The following NDST4 variants were observed in gnomAD, a reference collection of about 807,000 sequenced individuals.
The protein encoded by NDST4 is N-heparan sulfate sulfotransferase 4.
A neutral mutation model predicts 100.8 loss-of-function variants in NDST4; 63 were observed. The observed-to-expected ratio is 0.62, with a 90% confidence interval of 0.51 to 0.77. The LOEUF (loss-of-function observed/expected upper bound fraction) is 0.77, where lower values mean the gene tolerates loss of function less well. Ranked by LOEUF, NDST4 falls within the 30% of genes least tolerant of loss-of-function variation. The probability of loss-of-function intolerance (pLI) is 0.00; values close to 1 mark genes in which losing one functional copy is unlikely to be tolerated. For missense variants in NDST4, 943 were observed against 1,018.4 expected, an observed-to-expected ratio of 0.93 and a Z score of 1.01; for synonymous variants, 377 against 361.8, an observed-to-expected ratio of 1.04 and a Z score of -0.48.
intron 1 of NDST4, among the ~76,000 whole-genome samples, chr4:115,096,055 A>T (rs559307): frequency 0.77 from 117,179 of 151,756 alleles, 45,905 homozygotes; most frequent in African/African-American, 0.89. Flanking sequence ...TCCATAATCA[A>T]TTATTATATT....
At chr4:114,836,049 C>T (rs971609933) in intron 11 of NDST4, among the ~76,000 whole-genome samples, 3 of 152,046 alleles carry the variant, frequency 2.0e-5, no homozygotes, top group Non-Finnish European at 4.4e-5. Context: ...TACCAGTGGG[C>T]CTTGAATATG....
intron 1 of NDST4, among the ~76,000 whole-genome samples, chr4:115,079,784 TA>T (rs1236515139): frequency 2.0e-5 from 3 of 152,194 alleles, no homozygotes; most frequent in Non-Finnish European, 4.4e-5. Context: ...CTTTTTAGAT[TA>T]CATAGTTAAA....
At chr4:115,025,180 T>C (rs1286690853) in intron 2 of NDST4, among the ~76,000 whole-genome samples, 2 of 152,158 alleles carry the variant, frequency 1.3e-5, no homozygotes, top group Admixed American at 6.5e-5. Context: ...CCTCACTGTA[T>C]TGGACAAGTG....
At chr4:114,901,663 C>T (rs948668993) in intron 6 of NDST4, among the ~76,000 whole-genome samples, 10 of 151,684 alleles carry the variant, frequency 6.6e-5, no homozygotes, top group Admixed American at 5.3e-4. Flanking sequence ...ATAATATGTG[C>T]CATATTAGTA....
chr4:115,100,377 A>G (rs1729706778), intron 1 of NDST4, among the ~76,000 whole-genome samples: 1 of 151,948 alleles, frequency 6.6e-6, no homozygotes, highest in Non-Finnish European at 1.5e-5. Flanking sequence ...ATTGTAGGAG[A>G]TGGTGGTGGG....
chr4:115,058,064 GT>G (rs1728741128), intron 2 of NDST4, among the ~76,000 whole-genome samples: 1 of 152,056 alleles, frequency 6.6e-6, no homozygotes, highest in Admixed American at 6.6e-5. Flanking sequence ...TTTATTTCAC[GT>G]TCTGTTAATG....
intron 2 of NDST4, among the ~76,000 whole-genome samples, chr4:114,998,922 T>A (rs1727222733): frequency 6.6e-6 from 1 of 152,018 alleles, no homozygotes. Context: ...TTCCCCCTAT[T>A]GTGTGGCCTA....
In NDST4 at chr4:114,987,525, G is replaced by A. The variant is rs192595619; in HGVS notation, c.979-10251C>T. On this transcript the variant is annotated intron_variant, in intron 2 of 13. Transcript: ENST00000264363. ...TCAAGTGATTATAGAAAATTTCACT[G>A]TGTAGGAAGAGATAAGTAGTGAAAC... Among the ~76,000 whole-genome samples the A allele has an allele frequency of 7.5e-3, 1,135 of 152,272 alleles. 15 individuals carry two copies. The highest frequency in any genetic ancestry group is 0.017 in the Middle Eastern group (5 of 294).
Position 115,091,546 on chromosome 4 carries a change from G to A in NDST4, c.-246-14264C>T, listed in dbSNP as rs114696287. 6.9e-3 allele frequency among the ~76,000 whole-genome samples: 1,054 copies of A among 152,164 alleles called. 9 individuals are homozygous for A. Among genetic ancestry groups the A allele is most frequent in the African/African-American group, 0.024 (986 of 41,546 alleles). On this transcript the variant is annotated intron_variant, in intron 1 of 13. Transcript: ENST00000264363. ...AAATTGTGGCTACAATTTCCACTTA[G>A]AATGGCATTATAATTTATTTGTAAA... is the stretch of plus-strand genomic sequence containing the variant.
chr4:114,865,548 T>C (rs899637078), intron 7 of NDST4, among the ~76,000 whole-genome samples: 7 of 152,238 alleles, frequency 4.6e-5, no homozygotes, highest in African/African-American at 1.7e-4. Flanking sequence ...ATTGAACTTA[T>C]CAAATGTTTC....
At chr4:114,905,921 A>G (rs999484817) in intron 6 of NDST4, among the ~76,000 whole-genome samples, 3 of 151,972 alleles carry the variant, frequency 2.0e-5, no homozygotes, top group Non-Finnish European at 4.4e-5. Flanking sequence ...TCTTTGACAC[A>G]TGTTCATTTA....
chr4:114,907,931 A>G (rs554291691), intron 6 of NDST4, among the ~76,000 whole-genome samples: 1 of 152,260 alleles, frequency 6.6e-6, no homozygotes, highest in South Asian at 2.1e-4. Flanking sequence ...TTGTGAAGAA[A>G]CGTGGAGCTA....
At chr4:115,035,253 A>T (rs978219338) in intron 2 of NDST4, among the ~76,000 whole-genome samples, 4 of 152,164 alleles carry the variant, frequency 2.6e-5, no homozygotes, top group Admixed American at 2.6e-4. Context: ...GATTGGTTAT[A>T]ACTTAAACAA....
At chr4:115,046,467 C>T (rs1272775742) in intron 2 of NDST4, among the ~76,000 whole-genome samples, 1 of 152,062 alleles carries the variant, frequency 6.6e-6, no homozygotes, top group Non-Finnish European at 1.5e-5. Flanking sequence ...CAGTTGAGTC[C>T]TACTGTGGCA....
intron 2 of NDST4, among the ~76,000 whole-genome samples, chr4:115,053,471 T>C (rs1027490828): frequency 6.6e-6 from 1 of 152,134 alleles, no homozygotes; most frequent in Non-Finnish European, 1.5e-5. Flanking sequence ...CCTGCATATA[T>C]ATCCTTTTTC....
Position 114,874,446 on chromosome 4 carries a change from C to G in NDST4, c.1537-3496G>C, listed in dbSNP as rs527487100. 1.6e-4 allele frequency among the ~76,000 whole-genome samples: 25 copies of G among 152,260 alleles called. No homozygotes were observed. In the East Asian group the frequency reaches 2.7e-3, roughly 16 times the overall value. ...GCTGCTGCATTTAAATTTTCCTTTA[C>G]TGAGAATAAAAACAAGCACGCCATC... On this transcript the variant is annotated intron_variant, in intron 6 of 13. Transcript: ENST00000264363.
At chr4:114,923,415 A>G (rs1461258550) in intron 6 of NDST4, among the ~76,000 whole-genome samples, 6 of 152,332 alleles carry the variant, frequency 3.9e-5, no homozygotes, top group African/African-American at 1.4e-4. Flanking sequence ...GAAACAAGAC[A>G]TATTGAAATA....
chr4:115,003,718 A>G (rs373709749), intron 2 of NDST4, among the ~76,000 whole-genome samples: 2 of 152,120 alleles, frequency 1.3e-5, no homozygotes, highest in East Asian at 3.9e-4. Context: ...GTATAAAAAA[A>G]TTAGCCAGGC....
intron 1 of NDST4, among the ~76,000 whole-genome samples, chr4:115,081,500 CAGG>C (rs1729301860): frequency 6.6e-6 from 1 of 152,062 alleles, no homozygotes. Flanking sequence ...AAAAGGCATG[CAGG>C]AGTATGGATA....
Sources: allele counts gnomAD v4.1 joint callset (sites outside exome capture counted in the v4.1 genomes callset), GRCh38; gene constraint gnomAD v4.1.1; transcripts MANE v1.5; gene names NCBI Gene and HGNC (gene_info 2026-07-23, HGNC 2026-07-21).